Variants in CCBE1 observed in about 807,000 individuals in gnomAD.
CCBE1 encodes the protein collagen and calcium-binding EGF domain-containing protein 1.
CCBE1 carries 37 observed loss-of-function variants against 50.0 expected under a neutral mutation model. That is an observed-to-expected ratio of 0.74 (90% CI 0.57 to 0.97). The LOEUF (loss-of-function observed/expected upper bound fraction) is 0.97, where lower values mean the gene tolerates loss of function less well. Ranked by LOEUF, CCBE1 falls within the 50% of genes least tolerant of loss-of-function variation. CCBE1 has a pLI of 0.00. For synonymous variants in CCBE1, 234 were observed against 203.7 expected (o/e 1.15, Z -1.27); for missense variants, 538 against 523.8 (o/e 1.03, Z -0.26).
chr18:59,643,868 A>G (rs138074562), intron 2 of CCBE1, among the ~76,000 whole-genome samples: 2,198 of 152,184 alleles, frequency 0.014, 27 homozygotes, highest in Middle Eastern at 0.054. Context: ...TCGAAACTGC[A>G]GTCTTCTTCA....
chr18:59,697,630 C>T (rs2054831370), upstream of CCBE1: 1 of 408,210 alleles, frequency 2.4e-6, no homozygotes, highest in South Asian at 2.9e-5. Context: ...CTCGTCGGGA[C>T]GTTCACGTCC....
rs768229052 is a variant in CCBE1 at position 59,436,092 on chromosome 18, C to A, written c.1037G>T (p.Arg346Leu). 1.9e-5 allele frequency: 30 copies of A among 1,614,034 alleles called. No homozygotes were observed. In the East Asian group the frequency reaches 5.6e-4, roughly 30 times the overall value. ...TTCCTGCAGCTCAGTGATGTCATTG[C>A]GGATGTCAGCCAGCATAAGTAGCAG... is the stretch of plus-strand genomic sequence containing the variant. ...DFLLLMLADIRNDITELQEKV... is the reference protein window; with the variant it reads ...DFLLLMLADILNDITELQEKV... The change falls in exon 11 of 11, where the codon CGC becomes CTC. Residue 346 changes from arginine (R) to leucine (L), a missense_variant. Physicochemically the swap from Arg to Leu is moderately radical, Grantham distance 102. Transcript: ENST00000439986.
At chr18:59,530,537 G>A (rs1915006662) in intron 2 of CCBE1, among the ~76,000 whole-genome samples, 2 of 151,142 alleles carry the variant, frequency 1.3e-5, no homozygotes, top group Non-Finnish European at 1.5e-5. Flanking sequence ...GCACCTACAG[G>A]ACATGCCATT....
At chr18:59,623,236 C>T (rs1252535045) in intron 2 of CCBE1, among the ~76,000 whole-genome samples, 3 of 152,196 alleles carry the variant, frequency 2.0e-5, no homozygotes, top group African/African-American at 7.2e-5. Flanking sequence ...ATGAGACAAG[C>T]TCCCTGATTT....
At chr18:59,458,856 G>T (rs1381176132) in intron 5 of CCBE1, among the ~76,000 whole-genome samples, 1 of 152,240 alleles carries the variant, frequency 6.6e-6, no homozygotes, top group East Asian at 1.9e-4. Context: ...AGTGAACCAA[G>T]ATTAACATTA....
chr18:59,509,717 C>T (rs1268999494), intron 2 of CCBE1, among the ~76,000 whole-genome samples: 3 of 152,186 alleles, frequency 2.0e-5, no homozygotes, highest in African/African-American at 7.2e-5. Context: ...CAGGAGGGAA[C>T]TGGAAAACAA....
intron 2 of CCBE1, among the ~76,000 whole-genome samples, chr18:59,588,123 C>T (rs552285329): frequency 6.6e-6 from 1 of 152,156 alleles, no homozygotes; most frequent in Admixed American, 6.5e-5. Flanking sequence ...TTACATAGCT[C>T]AAAGGGCCAA....
chr18:59,501,518 T>G (rs1293976742), intron 2 of CCBE1, among the ~76,000 whole-genome samples: 1 of 152,132 alleles, frequency 6.6e-6, no homozygotes, highest in African/African-American at 2.4e-5. Context: ...TCTGTTGAAC[T>G]AAGTGTCGAC....
chr18:59,606,599 C>G (rs781071001), intron 2 of CCBE1, among the ~76,000 whole-genome samples: 1 of 152,112 alleles, frequency 6.6e-6, no homozygotes. Flanking sequence ...CCACGGGGCC[C>G]CAGGGTGACA....
intron 2 of CCBE1, among the ~76,000 whole-genome samples, chr18:59,690,843 C>T (rs1379154982): frequency 6.6e-6 from 1 of 152,230 alleles, no homozygotes; most frequent in Non-Finnish European, 1.5e-5. Context: ...TACTCCAAAG[C>T]CAGTGTCTGT....
At chr18:59,664,140 G>C (rs142115221) in intron 2 of CCBE1, among the ~76,000 whole-genome samples, 1 of 152,062 alleles carries the variant, frequency 6.6e-6, no homozygotes, top group Non-Finnish European at 1.5e-5. Context: ...CTGAGTTCTC[G>C]TTATATCTTC....
chr18:59,496,643 G>T (rs946754179), intron 2 of CCBE1, among the ~76,000 whole-genome samples: 2 of 152,154 alleles, frequency 1.3e-5, no homozygotes, highest in African/African-American at 2.4e-5. Context: ...ACTTTATTTG[G>T]AGTAAATACC....
intron 2 of CCBE1, among the ~76,000 whole-genome samples, chr18:59,529,452 A>C (rs996164056): frequency 6.6e-6 from 1 of 152,250 alleles, no homozygotes; most frequent in African/African-American, 2.4e-5. Context: ...GAGAATCTGC[A>C]CAGCTCTGTG....
chr18:59,487,002 C>T (rs1199809218), intron 2 of CCBE1, among the ~76,000 whole-genome samples: 2 of 151,420 alleles, frequency 1.3e-5, no homozygotes, highest in African/African-American at 2.4e-5. Flanking sequence ...TGAGTAGAAC[C>T]TGGCCTCTAG....
intron 7 of CCBE1, among the ~76,000 whole-genome samples, chr18:59,444,238 T>C (rs1181179338): frequency 1.3e-5 from 2 of 152,140 alleles, no homozygotes; most frequent in Non-Finnish European, 2.9e-5. Flanking sequence ...CGTGTGTGAG[T>C]ATCTCTTCAA....
intron 2 of CCBE1, among the ~76,000 whole-genome samples, chr18:59,577,224 A>G (rs1334838987): frequency 6.6e-6 from 1 of 152,240 alleles, no homozygotes; most frequent in Non-Finnish European, 1.5e-5. Context: ...GATTGGGGCC[A>G]TGCGAACTTA....
At chr18:59,492,856 A>C (rs780615778) in intron 2 of CCBE1, among the ~76,000 whole-genome samples, 3 of 152,228 alleles carry the variant, frequency 2.0e-5, no homozygotes, top group Non-Finnish European at 4.4e-5. Context: ...ACAACTGTGC[A>C]TGGAGCCCTT....
At chr18:59,543,964 A>G (rs112285706) in intron 2 of CCBE1, among the ~76,000 whole-genome samples, 2,544 of 152,234 alleles carry the variant, frequency 0.017, 27 homozygotes, top group Non-Finnish European at 0.025. Context: ...GCAAAATGTC[A>G]AATTTCAAAC....
chr18:59,690,596 T>C (rs1471485284), intron 2 of CCBE1, among the ~76,000 whole-genome samples: 1 of 152,188 alleles, frequency 6.6e-6, no homozygotes, highest in Non-Finnish European at 1.5e-5. Context: ...CCAGCTTCAC[T>C]TACAAAGGAT....
Sources: allele counts gnomAD v4.1 joint callset (sites outside exome capture counted in the v4.1 genomes callset), GRCh38; gene constraint gnomAD v4.1.1; transcripts MANE v1.5; gene names NCBI Gene and HGNC (gene_info 2026-07-23, HGNC 2026-07-21).